GALNT8: variants seen among roughly 807,000 people sequenced by gnomAD.
GALNT8 encodes the protein polypeptide N-acetylgalactosaminyltransferase 8.
GALNT8 carries 66 observed loss-of-function variants against 62.7 expected under a neutral mutation model. That is an observed-to-expected ratio of 1.05 (90% confidence interval 0.86 to 1.29). GALNT8 has a LOEUF of 1.29. Among genes scored for constraint, GALNT8 ranks in the 50% most tolerant of loss-of-function variants. The pLI is 0.00. For missense variants in GALNT8, 771 were observed against 791.8 expected, an observed-to-expected ratio of 0.97 and a Z score of 0.32; for synonymous variants, 288 against 294.3, an observed-to-expected ratio of 0.98 and a Z score of 0.22.
chr12:4,744,921 C>T (rs1315106444), intron 4 of GALNT8, among the ~76,000 whole-genome samples: 1 of 152,132 alleles, frequency 6.6e-6, no homozygotes, highest in Non-Finnish European at 1.5e-5. Context: ...CTGACTTTGC[C>T]AAATACTTTG....
At chr12:4,759,612 TAAG>T (rs1386486231) in intron 6 of GALNT8, among the ~76,000 whole-genome samples, 1 of 151,902 alleles carries the variant, frequency 6.6e-6, no homozygotes, top group Non-Finnish European at 1.5e-5. Context: ...TCTAGGGTTT[TAAG>T]AAGTGAAGAA....
At position 4,744,495 on chromosome 12, in the gene GALNT8, T is replaced by C. The variant is rs1181991158; in HGVS notation, c.677-22T>C. On this transcript the variant is annotated intron_variant, in intron 3 of 10. Transcript: ENST00000252318. ...TTGATTGTTGCACTCAGAATTTCTA[T>C]AGGTGTGCACTTGATTGACAGGAGA... The C allele has an allele frequency of 1.9e-6, 3 of 1,546,026 alleles. No individual in the cohort carries two copies. In the Admixed American group the frequency reaches 5.6e-5, roughly 29 times the overall value.
chr12:4,770,655 T>G (rs1946420088), intron 10 of GALNT8, among the ~76,000 whole-genome samples: 1 of 152,184 alleles, frequency 6.6e-6, no homozygotes, highest in African/African-American at 2.4e-5. Flanking sequence ...ATCTCACCCA[T>G]GAAGTAACTG....
At chr12:4,727,487 C>T (rs768668850) in intron 2 of GALNT8, among the ~76,000 whole-genome samples, 2 of 152,188 alleles carry the variant, frequency 1.3e-5, no homozygotes, top group Non-Finnish European at 2.9e-5. Flanking sequence ...TAAAAAGAAA[C>T]GGCTTTAGCA....
At chr12:4,722,695 T>A (rs769180043) in intron 1 of GALNT8, among the ~76,000 whole-genome samples, 2 of 152,130 alleles carry the variant, frequency 1.3e-5, no homozygotes, top group Non-Finnish European at 2.9e-5. Context: ...AGGTGTTTTA[T>A]GTGTGGGCAG....
chr12:4,766,783 G>A (rs1226905646), intron 10 of GALNT8, among the ~76,000 whole-genome samples: 2 of 151,956 alleles, frequency 1.3e-5, no homozygotes, highest in African/African-American at 4.8e-5. Context: ...TGGTTCAGGT[G>A]CCACACGGAC....
Position 4,733,478 on chromosome 12 carries a change from G to A in GALNT8, c.510-5685G>A, listed in dbSNP as rs377232625. On this transcript the variant is annotated intron_variant, in intron 2 of 10. Transcript: ENST00000252318. ...CCAAGAATATGCAAAAGATGCACAG[G>A]AAACAGGGCAGAGGAGAGAAAATCT... 4.6e-4 allele frequency among the ~76,000 whole-genome samples: 70 copies of A among 152,190 alleles called. 2 individuals carry two copies. The highest frequency in any genetic ancestry group is 1.7e-3 in the African/African-American group (69 of 41,432).
chr12:4,753,755 T>A (rs993233379), intron 6 of GALNT8, among the ~76,000 whole-genome samples: 1 of 152,176 alleles, frequency 6.6e-6, no homozygotes, highest in African/African-American at 2.4e-5. Context: ...CATTGAAGAG[T>A]TAGTCTACTT....
rs750518123 is a variant in GALNT8, at chr12:4,764,719, A to ATT, written c.1594-647_1594-646dup. ...CCACCATGCCCGGCTAATTTTTTGT[A>ATT]TTTTTTTTTTTTTTAGCAGAGACGG... On this transcript the variant is annotated intron_variant, in intron 9 of 10. Coordinates refer to ENST00000252318, the MANE Select transcript of GALNT8 (RefSeq NM_017417.2). Among the ~76,000 whole-genome samples, 387 of 129,508 alleles carry ATT rather than the reference A, an allele frequency of 3.0e-3. 4 individuals carry two copies. The highest frequency in any genetic ancestry group is 0.01 in the African/African-American group (365 of 35,412). 85.0% of individuals were successfully genotyped at this position (129,508 alleles called of 152,430 possible).
At chr12:4,740,932 A>G (rs750077450) in intron 3 of GALNT8, among the ~76,000 whole-genome samples, 27 of 152,216 alleles carry the variant, frequency 1.8e-4, no homozygotes, top group Non-Finnish European at 2.8e-4. Context: ...TAATACATGA[A>G]TTATGTAACG....
At chr12:4,769,305 G>A (rs561530930) in intron 10 of GALNT8, among the ~76,000 whole-genome samples, 6 of 152,260 alleles carry the variant, frequency 3.9e-5, no homozygotes, top group South Asian at 2.1e-4. Flanking sequence ...AGACTGGCAC[G>A]GCTCCAGAAG....
At position 4,720,708 on chromosome 12, in the gene GALNT8, C is replaced by G. The variant is rs759534547; in HGVS notation, c.31C>G (p.Leu11Val). ...GTTTTGGAGGAAACTCCCCAAAGCC[C>G]TCTTCATTGGGCTGACTCTGGCCAT... MMFWRKLPKA[L>V]FIGLTLAIAV... is the part of the protein sequence containing the mutation. The change falls in exon 1 of 11, where the codon CTC becomes GTC. Residue 11 changes from leucine to valine, a missense_variant. By Grantham distance (32) the Leu-to-Val change is conservative. Coordinates refer to ENST00000252318, the MANE Select transcript of GALNT8 (RefSeq NM_017417.2). 1.4e-5 allele frequency: 23 copies of G among 1,613,702 alleles called. No homozygotes were observed. The South Asian group carries it at 2.3e-4, about 16-fold the overall frequency.
chr12:4,739,200 C>T lies in GALNT8; in HGVS notation c.547C>T (p.Leu183Phe), dbSNP rs1680517648. 6.2e-7 allele frequency: 1 copy of T among 1,612,656 alleles called. No individual in the cohort carries two copies. The change falls in exon 3 of 11, where the codon CTC becomes TTC. Residue 183 changes from leucine to phenylalanine, a missense_variant. By Grantham distance (22) the Leu-to-Phe change is conservative (BLOSUM62 0). Transcript: ENST00000252318. ...GACATATCCTTCCCAACTCCCATCCCTCAGTGTCATTCTCATATTCGTGAA... is the reference window on the plus strand; with the variant it reads ...GACATATCCTTCCCAACTCCCATCCTTCAGTGTCATTCTCATATTCGTGAA... ...RKTYPSQLPS[L>F]SVILIFVNEA...
At chr12:4,737,871 T>A (rs1946252716) in intron 2 of GALNT8, among the ~76,000 whole-genome samples, 1 of 152,160 alleles carries the variant, frequency 6.6e-6, no homozygotes, top group East Asian at 1.9e-4. Context: ...ATGAAGCCCC[T>A]CACCAGAGGC....
At chr12:4,765,568 G>A (rs753806484) in intron 10 of GALNT8, 22 bp downstream of exon 10, 24 of 1,580,188 alleles carry the variant, frequency 1.5e-5, no homozygotes, top group Non-Finnish European at 1.6e-5. Flanking sequence ...GTTTTTGTTT[G>A]TTGGTTTGTT....
chr12:4,763,115 T>G (rs1329616250), intron 7 of GALNT8, 138 bp from the exon 8 acceptor site: 5 of 674,184 alleles, frequency 7.4e-6, no homozygotes, highest in Non-Finnish European at 1.3e-5. Flanking sequence ...CAATCTTGTC[T>G]ATCCATTAAG....
chr12:4,753,631 C>T (rs1946331562), intron 6 of GALNT8, among the ~76,000 whole-genome samples: 1 of 152,162 alleles, frequency 6.6e-6, no homozygotes, highest in Non-Finnish European at 1.5e-5. Context: ...TTTGAATTTT[C>T]CATCTGAAAG....
chr12:4,725,885 G>A (rs991177684), intron 1 of GALNT8, among the ~76,000 whole-genome samples: 13 of 152,136 alleles, frequency 8.5e-5, no homozygotes, highest in African/African-American at 3.1e-4. Context: ...GATCACGCAA[G>A]TTGGAAATTG....
At chr12:4,747,822 T>G (rs1946306734) in intron 6 of GALNT8, among the ~76,000 whole-genome samples, 1 of 152,180 alleles carries the variant, frequency 6.6e-6, no homozygotes, top group Non-Finnish European at 1.5e-5. Flanking sequence ...GTTGTACTAA[T>G]CTACATTCCC....
Sources: allele counts gnomAD v4.1 joint callset (sites outside exome capture counted in the v4.1 genomes callset), GRCh38; gene constraint gnomAD v4.1.1; transcripts MANE v1.5; gene names NCBI Gene and HGNC (gene_info 2026-07-23, HGNC 2026-07-21).